RIN2: variants seen among roughly 807,000 people sequenced by gnomAD.
The protein encoded by RIN2 is RAB5 interacting protein 2.
In RIN2, 36 loss-of-function variants were observed where a neutral mutation model predicts 78.0. The ratio of observed to expected loss-of-function variants is 0.46; its 90% CI spans 0.35 to 0.61. The LOEUF (loss-of-function observed/expected upper bound fraction) is 0.61. Ranked by LOEUF, RIN2 falls within the 20% of genes least tolerant of loss-of-function variation. The pLI is 0.00. For synonymous variants in RIN2, 466 were observed against 466.8 expected (o/e 1.00, Z 0.02); for missense variants, 1,087 against 1,159.7 (o/e 0.94, Z 0.91).
intron 2 of RIN2, among the ~76,000 whole-genome samples, chr20:19,877,653 A>C (rs1225568955): frequency 6.6e-6 from 1 of 152,180 alleles, no homozygotes; most frequent in Non-Finnish European, 1.5e-5. Context: ...ACAAGGATGT[A>C]ACTAGGCCCA....
At chr20:19,997,641 C>T (rs2043012907) in intron 12 of RIN2, among the ~76,000 whole-genome samples, 1 of 152,004 alleles carries the variant, frequency 6.6e-6, no homozygotes, top group South Asian at 2.1e-4. Flanking sequence ...CACCTGTAAT[C>T]CCAGCTACTT....
chr20:19,828,662 G>C (rs2122976449), intron 2 of RIN2, among the ~76,000 whole-genome samples: 1 of 152,290 alleles, frequency 6.6e-6, no homozygotes, highest in South Asian at 2.1e-4. Context: ...AACAGAGACA[G>C]CTTAGTACTC....
intron 9 of RIN2, among the ~76,000 whole-genome samples, chr20:19,988,538 G>C (rs2042691869): frequency 6.6e-6 from 1 of 152,222 alleles, no homozygotes; most frequent in Non-Finnish European, 1.5e-5. Flanking sequence ...GGGCTCAGAT[G>C]AGAATGTGCA....
chr20:19,869,662 G>A (rs754337170), intron 2 of RIN2, among the ~76,000 whole-genome samples: 124 of 150,476 alleles, frequency 8.2e-4, no homozygotes, highest in Non-Finnish European at 1.7e-3. Flanking sequence ...GTCTCGCTCT[G>A]GGGCCCAAGC....
At position 19,974,870 on chromosome 20, in the gene RIN2, A is replaced by T; in HGVS notation, c.845A>T (p.Gln282Leu). 4 of 1,614,030 alleles carry T rather than the reference A, an allele frequency of 2.5e-6. No individual in the cohort carries two copies. In the South Asian group the frequency reaches 4.4e-5, roughly 18 times the overall value. Residue 282 changes from glutamine (Q) to leucine (L), a missense_variant, in exon 9 of 13, where the codon CAG (glutamine) becomes CTG (leucine). Gln to Leu is a moderately radical substitution (Grantham distance 113). Transcript: ENST00000255006. ...CCCCTTTTCTTGAAAGTGCACAGCC[A>T]GGACCTCAGTGGAGGCCTGAAACGG... Reference protein sequence around the residue: ...INPLFLKVHSQDLSGGLKRPS... With the variant: ...INPLFLKVHSLDLSGGLKRPS...
intron 3 of RIN2, among the ~76,000 whole-genome samples, chr20:19,900,573 G>T (rs2038932391): frequency 6.6e-6 from 1 of 151,896 alleles, no homozygotes; most frequent in Non-Finnish European, 1.5e-5. Context: ...AGGATCACTT[G>T]AGCCCAGGAA....
intron 2 of RIN2, among the ~76,000 whole-genome samples, chr20:19,867,445 T>C (rs1255759868): frequency 2.6e-5 from 4 of 152,238 alleles, no homozygotes. Context: ...CAGTTAAGCA[T>C]CCAACTGAGG....
intron 2 of RIN2, among the ~76,000 whole-genome samples, chr20:19,818,746 AAG>A (rs2035844008): frequency 7.1e-6 from 1 of 140,806 alleles, no homozygotes; most frequent in East Asian, 2.1e-4. Flanking sequence ...AAAAAAAAGA[AAG>A]AAAGAGAAAA....
intron 2 of RIN2, among the ~76,000 whole-genome samples, chr20:19,808,518 T>A (rs369940153): frequency 3.3e-5 from 5 of 152,220 alleles, no homozygotes; most frequent in African/African-American, 9.6e-5. Context: ...AGTAATGTCA[T>A]TTTCTATTTG....
chr20:19,953,188 C>T (rs553540792), intron 4 of RIN2, among the ~76,000 whole-genome samples: 14 of 151,920 alleles, frequency 9.2e-5, no homozygotes, highest in Non-Finnish European at 1.9e-4. Flanking sequence ...GCCCAGGCTA[C>T]AGTACAGTGG....
At chr20:19,915,853 C>T (rs752690664) in intron 3 of RIN2, among the ~76,000 whole-genome samples, 1 of 152,196 alleles carries the variant, frequency 6.6e-6, no homozygotes, top group Non-Finnish European at 1.5e-5. Flanking sequence ...CAAAATTTCC[C>T]TTCTGATATT....
intron 2 of RIN2, among the ~76,000 whole-genome samples, chr20:19,858,118 CTTT>C (rs551446801): frequency 6.7e-6 from 1 of 148,748 alleles, no homozygotes; most frequent in Non-Finnish European, 1.5e-5. Flanking sequence ...TATGGTCTGT[CTTT>C]TTTTAAAAAA....
intron 4 of RIN2, among the ~76,000 whole-genome samples, chr20:19,950,934 C>T (rs1018989389): frequency 1.1e-4 from 16 of 150,824 alleles, no homozygotes; most frequent in Non-Finnish European, 1.2e-4. Context: ...CTGTCACCCC[C>T]GCTGAAGTGC....
intron 9 of RIN2, among the ~76,000 whole-genome samples, chr20:19,977,249 G>A (rs564492455): frequency 6.6e-5 from 10 of 152,232 alleles, no homozygotes; most frequent in Middle Eastern, 3.4e-3. Context: ...GGCCAGCGGC[G>A]CCAACCAGCC....
At chr20:19,808,081 A>G (rs1329278623) in intron 2 of RIN2, among the ~76,000 whole-genome samples, 1 of 152,246 alleles carries the variant, frequency 6.6e-6, no homozygotes, top group Non-Finnish European at 1.5e-5. Flanking sequence ...AGTTATTTAT[A>G]CTGTGTCCTT....
At chr20:19,769,629 C>T (rs11905917) in intron 1 of RIN2, among the ~76,000 whole-genome samples, 6,242 of 152,254 alleles carry the variant, frequency 0.041, 456 homozygotes, top group African/African-American at 0.14. Flanking sequence ...TGTTACCAGG[C>T]GGCTGCAATT....
At chr20:19,851,008 AGG>A (rs2036944313) in intron 2 of RIN2, among the ~76,000 whole-genome samples, 1 of 86,240 alleles carries the variant, frequency 1.2e-5, no homozygotes, top group African/African-American at 5.4e-5. Flanking sequence ...GAAGGAAGGA[AGG>A]AAGGAAGGAA....
intron 1 of RIN2, among the ~76,000 whole-genome samples, chr20:19,793,330 T>C (rs975385679): frequency 6.6e-6 from 1 of 152,210 alleles, no homozygotes; most frequent in African/African-American, 2.4e-5. Context: ...TATTCAGACT[T>C]GCCACATTTC....
intron 1 of RIN2, among the ~76,000 whole-genome samples, chr20:19,760,880 T>TTG (rs574608143): frequency 1.3e-5 from 2 of 152,144 alleles, no homozygotes; most frequent in East Asian, 1.9e-4. Context: ...CCAGAATTCC[T>TTG]TGTGTGTGTG....
Sources: gnomAD v4.1 joint callset for allele counts (sites outside exome capture counted in the v4.1 genomes callset) on GRCh38, gnomAD v4.1.1 for gene constraint, MANE v1.5 for transcripts, NCBI Gene and HGNC (gene_info 2026-07-23, HGNC 2026-07-21) for gene names.